Variants in PCDH11X observed in about 807,000 individuals in gnomAD.
PCDH11X encodes the protein protocadherin 11 X-linked.
A neutral mutation model predicts 53.3 loss-of-function variants in PCDH11X; 18 were observed. That is an observed-to-expected ratio of 0.34 (90% CI 0.23 to 0.50). The LOEUF (loss-of-function observed/expected upper bound fraction) is 0.50, where lower values mean the gene tolerates loss of function less well. Ranked by LOEUF, PCDH11X falls within the 20% of genes least tolerant of loss-of-function variation. The pLI, the probability that PCDH11X is intolerant of heterozygous loss-of-function variation, is 0.98. For missense variants in PCDH11X, 570 were observed against 1,032.4 expected (o/e 0.55, Z 6.14); for synonymous variants, 279 against 393.3 (o/e 0.71, Z 3.44).
intron 6 of PCDH11X, among the ~76,000 whole-genome samples, chrX:91,966,154 T>C: frequency 9.4e-6 from 1 of 106,092 alleles, no homozygotes. Flanking sequence ...GTTCTTTGAT[T>C]TTTTTTTTTT....
At chrX:91,866,224 G>A (rs1174057888) in intron 5 of PCDH11X, among the ~76,000 whole-genome samples, 1 of 110,330 alleles carries the variant, frequency 9.1e-6, no homozygotes, top group Non-Finnish European at 1.9e-5. Context: ...GGGGACAGGG[G>A]ATGCTTCCCC....
intron 4 of PCDH11X, chrX:91,834,745 G>A (rs1231508889): frequency 1.9e-5 from 2 of 108,086 alleles, no homozygotes; most frequent in African/African-American, 7.2e-5. Flanking sequence ...TTAATAAGCA[G>A]TTATGTCAAT....
At chrX:92,034,744 A>G (rs1013741266) in intron 6 of PCDH11X, among the ~76,000 whole-genome samples, 1 of 109,208 alleles carries the variant, frequency 9.2e-6, no homozygotes, top group African/African-American at 3.3e-5. Flanking sequence ...TTTATATTCA[A>G]TGTAATTATT....
chrX:92,062,992 C>G (rs1223575314), intron 6 of PCDH11X, among the ~76,000 whole-genome samples: 1 of 111,381 alleles, frequency 9.0e-6, no homozygotes, highest in East Asian at 2.8e-4. Context: ...CACATATACG[C>G]CATGGAATAC....
At chrX:92,371,977 G>T (rs1189379667) in intron 8 of PCDH11X, among the ~76,000 whole-genome samples, 52 of 111,462 alleles carry the variant, frequency 4.7e-4, no homozygotes, top group South Asian at 3.7e-4. Flanking sequence ...TATAATGTAA[G>T]AAATATATTA....
At position 91,877,800 on chromosome X, in the gene PCDH11X, C is replaced by T; in HGVS notation, c.1560C>T (p.Gly520=). The part of the protein sequence containing the change: ...PPEFSLDCRT[G]MLTVVKKLDR... ...AATTCAGCCTGGATTGTCGTACAGGCATGCTGACTGTAGTGAAGAAACTAG... is the reference window on the plus strand; with the variant it reads ...AATTCAGCCTGGATTGTCGTACAGGTATGCTGACTGTAGTGAAGAAACTAG... Residue 520 remains glycine (G), a synonymous_variant, in exon 6 of 11, where the codon GGC becomes GGT. Transcript: ENST00000682573. 8.3e-7 allele frequency: 1 copy of T among 1,211,602 alleles called. No individual in the cohort carries two copies. The highest frequency in any genetic ancestry group is 1.8e-5 in the South Asian group (1 of 56,966).
chrX:92,585,121 G>C (rs1924224127), intron 10 of PCDH11X, among the ~76,000 whole-genome samples: 1 of 109,668 alleles, frequency 9.1e-6, no homozygotes. Flanking sequence ...TACATAACTG[G>C]AGCAGGAAAG....
chrX:92,112,262 C>T (rs1489493903), intron 6 of PCDH11X, among the ~76,000 whole-genome samples: 1 of 107,438 alleles, frequency 9.3e-6, no homozygotes, highest in Non-Finnish European at 1.9e-5. Context: ...ACAGCTACAT[C>T]ATAGCAGGCA....
intron 10 of PCDH11X, among the ~76,000 whole-genome samples, chrX:92,480,524 T>A (rs2073480488): frequency 1.8e-5 from 2 of 110,254 alleles, no homozygotes; most frequent in South Asian, 7.8e-4. Context: ...TGAGGTTTTT[T>A]TTTTTTAATC....
At chrX:92,277,920 G>T (rs2068144093) in intron 8 of PCDH11X, among the ~76,000 whole-genome samples, 1 of 111,572 alleles carries the variant, frequency 9.0e-6, no homozygotes. Context: ...GCCGCTAAGG[G>T]TGAAGGACCA....
At chrX:92,231,837 C>T (rs2067080198) in intron 7 of PCDH11X, among the ~76,000 whole-genome samples, 1 of 111,889 alleles carries the variant, frequency 8.9e-6, no homozygotes, top group Non-Finnish European at 1.9e-5. Flanking sequence ...CCAAGAATGA[C>T]ACTTGGCCAT....
At chrX:92,516,532 A>C (rs186264695) in intron 10 of PCDH11X, among the ~76,000 whole-genome samples, 1 of 112,438 alleles carries the variant, frequency 8.9e-6, no homozygotes, top group Non-Finnish European at 1.9e-5. Context: ...CAAAAATTTT[A>C]ATATACAACG....
intron 9 of PCDH11X, among the ~76,000 whole-genome samples, chrX:92,424,003 G>GT (rs60308561): frequency 0.24 from 22,585 of 95,056 alleles, 4,167 homozygotes; most frequent in East Asian, 0.74. Context: ...CTGGGGGATT[G>GT]TTTTTTCTAG....
At chrX:91,889,928 C>T (rs1349509725) in intron 6 of PCDH11X, among the ~76,000 whole-genome samples, 3 of 111,322 alleles carry the variant, frequency 2.7e-5, no homozygotes, top group South Asian at 7.5e-4. Context: ...CCACACAGTG[C>T]TGCAATTCAA....
At chrX:92,284,204 C>T (rs1344154627) in intron 8 of PCDH11X, among the ~76,000 whole-genome samples, 4 of 110,711 alleles carry the variant, frequency 3.6e-5, no homozygotes, top group Admixed American at 9.7e-5. Context: ...ATAGTCTCAT[C>T]GTTCTTTACT....
chrX:92,023,268 C>T (rs1254870349), intron 6 of PCDH11X, among the ~76,000 whole-genome samples: 1 of 108,557 alleles, frequency 9.2e-6, no homozygotes, highest in Non-Finnish European at 1.9e-5. Flanking sequence ...AATAGACAGA[C>T]CACTAGCTAG....
chrX:92,618,506 A>G lies in PCDH11X; in HGVS notation c.3610A>G (p.Thr1204Ala), dbSNP rs775925274. ...CTGCCACAGCCCTCCAGTGACACAG[A>G]CCATCGCATTGTGCCACAGCCCACC... is the stretch of plus-strand genomic sequence containing the variant. Reference protein sequence around the residue: ...ALCHSPPVTQTIALCHSPPPI... With the variant: ...ALCHSPPVTQAIALCHSPPPI... Residue 1204 changes from threonine to alanine, a missense_variant, in exon 11 of 11, where the codon ACC (threonine) becomes GCC (alanine). Coordinates refer to ENST00000682573, the MANE Select transcript of PCDH11X (RefSeq NM_032968.5). 9 of 1,210,978 alleles carry G rather than the reference A, an allele frequency of 7.4e-6. No homozygotes were observed. The highest frequency in any genetic ancestry group is 8.9e-6 in the Non-Finnish European group (8 of 895,245).
chrX:91,879,518 G>A (rs1939793817), intron 6 of PCDH11X: 6 of 1,079,313 alleles, frequency 5.6e-6, no homozygotes, highest in Non-Finnish European at 7.2e-6. Flanking sequence ...TCTGTAGATG[G>A]CAGTATGACA....
chrX:92,132,485 G>A (rs756913118), intron 6 of PCDH11X, among the ~76,000 whole-genome samples: 50 of 101,735 alleles, frequency 4.9e-4, no homozygotes, highest in African/African-American at 1.1e-3. Context: ...GTGTGTGCCC[G>A]TAGTCCCAGC....
Sources: allele counts gnomAD v4.1 joint callset (sites outside exome capture counted in the v4.1 genomes callset), GRCh38; gene constraint gnomAD v4.1.1; transcripts MANE v1.5; gene names NCBI Gene and HGNC (gene_info 2026-07-23, HGNC 2026-07-21).